The following ANKRD54 variants were observed in gnomAD, a reference collection of about 807,000 sequenced individuals.
ANKRD54 encodes the protein ankyrin repeat domain-containing protein 54.
ANKRD54 carries 26 observed loss-of-function variants against 36.2 expected under a neutral mutation model. The observed-to-expected ratio is 0.72, with a 90% confidence interval of 0.53 to 1.00. The LOEUF is 1.00. Among genes scored for constraint, ANKRD54 ranks in the 50% least tolerant of loss-of-function variants. The pLI, the probability that ANKRD54 is intolerant of heterozygous loss-of-function variation, is 0.00. For synonymous variants in ANKRD54, 209 were observed against 188.4 expected (o/e 1.11, Z -0.89); for missense variants, 384 against 424.3 (o/e 0.91, Z 0.83).
chr22:37,841,550 ACACAC>A lies in ANKRD54; in HGVS notation c.329-1321_329-1317del, dbSNP rs1569101761. Among the ~76,000 whole-genome samples the A allele has an allele frequency of 2.9e-3, 433 of 147,476 alleles. 4 individuals carry two copies. Among genetic ancestry groups the A allele is most frequent in the African/African-American group, 0.011 (420 of 39,644 alleles). On this transcript the variant is annotated intron_variant, in intron 1 of 7. Transcript: ENST00000215941. The stretch of plus-strand genomic sequence containing the variant: ...CACACAAACACACACACACACACAC[ACACAC>A]ACAAAAAACATAGGCCGGGCACAGT...
At chr22:37,838,734 C>T (rs1923852870) in intron 2 of ANKRD54, 136 bp from the exon 3 acceptor site, 1 of 784,548 alleles carries the variant, frequency 1.3e-6, no homozygotes, top group African/African-American at 1.7e-5. Flanking sequence ...AGCAGCCCTT[C>T]CTAGATGCTG....
chr22:37,837,042 A>T (rs1260310448), intron 3 of ANKRD54, among the ~76,000 whole-genome samples: 1 of 151,936 alleles, frequency 6.6e-6, no homozygotes, highest in Non-Finnish European at 1.5e-5. Flanking sequence ...AAAAAAAAAA[A>T]AGGCCAATAA....
intron 2 of ANKRD54, 68 bp from the exon 3 acceptor site, chr22:37,838,666 G>T (rs1457596757): frequency 2.7e-6 from 4 of 1,501,014 alleles, no homozygotes; most frequent in African/African-American, 1.4e-5. Context: ...GCAGACCCGA[G>T]CGATGGAGAG....
chr22:37,835,931 C>G (rs1047747892), intron 3 of ANKRD54, among the ~76,000 whole-genome samples: 1 of 152,064 alleles, frequency 6.6e-6, no homozygotes, highest in South Asian at 2.1e-4. Flanking sequence ...GCTCCGCCTC[C>G]CGGCTTCACA....
upstream of ANKRD54, chr22:37,844,382 T>G (rs766469786): frequency 1.1e-6 from 1 of 896,900 alleles, no homozygotes; most frequent in Non-Finnish European, 1.6e-6. Context: ...GGGGGCGGGC[T>G]CAGGCCGAGA....
At chr22:37,843,800 G>A (rs1472047840) in intron 1 of ANKRD54, 111 bp downstream of exon 1, 21 of 746,284 alleles carry the variant, frequency 2.8e-5, no homozygotes, top group Non-Finnish European at 3.4e-5. Flanking sequence ...GACGTCGGGG[G>A]ACCCCGGCTG....
chr22:37,844,610 G>A (rs112367253), upstream of ANKRD54, among the ~76,000 whole-genome samples: 815 of 151,930 alleles, frequency 5.4e-3, 7 homozygotes, highest in African/African-American at 0.018. Flanking sequence ...TTTTTGCGAC[G>A]GAGTCTCGCT....
Position 37,833,307 on chromosome 22 carries a change from C to T in ANKRD54, c.548-101G>A. The T allele has an allele frequency of 2.8e-6, 4 of 1,422,344 alleles. No homozygotes were observed. The South Asian group carries it at 4.9e-5, about 17-fold the overall frequency. The allele number at this position is 1,422,344 out of a possible 1,614,324, so 88.1% of individuals were successfully genotyped here. A position where few individuals can be genotyped will look rare whatever the true frequency, so the allele number is the denominator to read the frequency against. Reference sequence around the variant, plus strand: ...GGCTGTGTCTCCCAGACGCCTGTGCCAAGTTATGCCTACTGAGAAGGTATC... The same window carrying T: ...GGCTGTGTCTCCCAGACGCCTGTGCTAAGTTATGCCTACTGAGAAGGTATC... On this transcript the variant is annotated intron_variant, in intron 4 of 7. Coordinates refer to ENST00000215941, the MANE Select transcript of ANKRD54 (RefSeq NM_138797.4).
At chr22:37,841,531 A>AAC (rs754859182) in intron 1 of ANKRD54, among the ~76,000 whole-genome samples, 2,718 of 141,016 alleles carry the variant, frequency 0.019, 67 homozygotes, top group African/African-American at 0.063. Flanking sequence ...GTCTCACACA[A>AAC]ACACACACAC....
chr22:37,839,819 C>T (rs576405051), intron 2 of ANKRD54, among the ~76,000 whole-genome samples: 18 of 152,320 alleles, frequency 1.2e-4, no homozygotes, highest in East Asian at 9.6e-4. Context: ...CTCACCTGGC[C>T]GTGGCAGCTA....
rs911430365 is a variant in ANKRD54 at position 37,833,619 on chromosome 22, C to T, written c.547+65G>A. The T allele has an allele frequency of 2.0e-5, 31 of 1,573,806 alleles. 1 individual carries two copies. The highest frequency in any genetic ancestry group is 3.3e-4 in the Middle Eastern group (2 of 6,010). On this transcript the variant is annotated intron_variant, in intron 4 of 7. Transcript: ENST00000215941. ...TGCCAGGAGCATGCCGGGCCCCACC[C>T]TCTTCATCTAAAGAGCCTTTCTTTG...
upstream of ANKRD54, chr22:37,844,560 T>C (rs538052890): frequency 3.1e-5 from 10 of 321,094 alleles, 1 homozygote; most frequent in South Asian, 9.7e-4. Context: ...TCGCTGTACG[T>C]CGCTACCGGA....
intron 1 of ANKRD54, among the ~76,000 whole-genome samples, chr22:37,841,292 G>A (rs1200815017): frequency 6.6e-6 from 1 of 151,614 alleles, no homozygotes; most frequent in Non-Finnish European, 1.5e-5. Flanking sequence ...TTGGAAAGCT[G>A]AGGTGGGCAG....
At chr22:37,846,304 TCTC>T (rs1924843123), upstream of ANKRD54, among the ~76,000 whole-genome samples, 1 of 152,158 alleles carries the variant, frequency 6.6e-6, no homozygotes, top group African/African-American at 2.4e-5. Flanking sequence ...TTATTTGTAC[TCTC>T]CTCGTCTGCC....
intron 2 of ANKRD54, among the ~76,000 whole-genome samples, chr22:37,839,372 T>A (rs552137350): frequency 7.2e-5 from 11 of 152,278 alleles, no homozygotes; most frequent in East Asian, 1.9e-4. Flanking sequence ...ACAACATTTT[T>A]AAAAAATTTT....
upstream of ANKRD54, among the ~76,000 whole-genome samples, chr22:37,846,855 T>C (rs1044553957): frequency 1.3e-5 from 2 of 148,726 alleles, no homozygotes; most frequent in Non-Finnish European, 3.0e-5. Context: ...GTAATTTCTT[T>C]TCTTTTTTTT....
chr22:37,846,150 G>A (rs1924833225), upstream of ANKRD54, among the ~76,000 whole-genome samples: 1 of 152,076 alleles, frequency 6.6e-6, no homozygotes, highest in Non-Finnish European at 1.5e-5. Flanking sequence ...ACTCCAGTCT[G>A]GGCGACAGAG....
At chr22:37,849,148 G>A (rs1925002616), upstream of ANKRD54, 2 of 454,600 alleles carry the variant, frequency 4.4e-6, no homozygotes, top group African/African-American at 4.1e-5. Context: ...CACCACTCCC[G>A]GCTAATTTTG....
chr22:37,849,237 C>G, upstream of ANKRD54: 2 of 613,186 alleles, frequency 3.3e-6, no homozygotes, highest in Non-Finnish European at 5.9e-6. Context: ...GGTGATCCGC[C>G]CGCCTCGGCC....
Sources: allele counts gnomAD v4.1 joint callset (sites outside exome capture counted in the v4.1 genomes callset), GRCh38; gene constraint gnomAD v4.1.1; transcripts MANE v1.5; gene names NCBI Gene and HGNC (gene_info 2026-07-23, HGNC 2026-07-21).